BTD: variants seen among roughly 807,000 people sequenced by gnomAD.
BTD encodes biotinidase, also known as biocytinase.
In BTD, 13 loss-of-function variants were observed where a neutral mutation model predicts 17.7. The observed-to-expected ratio is 0.74, with a 90% CI of 0.48 to 1.17. The LOEUF (loss-of-function observed/expected upper bound fraction) is 1.17. BTD is among the 50% of genes most tolerant of loss of function. The pLI, the probability that BTD is intolerant of heterozygous loss-of-function variation, is 0.00. For synonymous variants in BTD, 240 were observed against 245.2 expected, an observed-to-expected ratio of 0.98 and a Z score of 0.20; for missense variants, 674 against 650.4, an observed-to-expected ratio of 1.04 and a Z score of -0.39.
downstream of BTD, among the ~76,000 whole-genome samples, chr3:15,656,241 T>C (rs2065870233): frequency 6.6e-6 from 1 of 152,176 alleles, no homozygotes; most frequent in African/African-American, 2.4e-5. Context: ...TATTGTAAAA[T>C]AGCCTACCCC....
At chr3:15,670,303 A>C (rs763400716) in intron 3 of BTD, 3 of 1,613,952 alleles carry the variant, frequency 1.9e-6, no homozygotes, top group Non-Finnish European at 2.5e-6. Context: ...CGTTGAGCTC[A>C]TCCACGTCAG....
rs372039874 is a variant in BTD at position 15,645,104 on chromosome 3, C to T, written c.1188C>T (p.His396=). ...VPVWGKEGYL[H]VCSNGLCCYL... ...TCTGGGGAAAGGAAGGCTATCTCCACGTCTGTTCCAATGGCCTCTGCTGTT... is the reference window on the plus strand; with the variant it reads ...TCTGGGGAAAGGAAGGCTATCTCCATGTCTGTTCCAATGGCCTCTGCTGTT... The change falls in exon 4 of 4, where the codon CAC becomes CAT. Residue 396 remains histidine, a synonymous_variant. Coordinates refer to ENST00000643237, the MANE Select transcript of BTD (RefSeq NM_001370658.1). 76 of 1,614,070 alleles carry T rather than the reference C, an allele frequency of 4.7e-5. No homozygotes were observed. Among genetic ancestry groups the T allele is most frequent in the Middle Eastern group, 3.3e-4 (2 of 6,062 alleles).
At chr3:15,661,265 CAAAAAA>C (rs56165902) in intron 3 of BTD, among the ~76,000 whole-genome samples, 50,139 of 94,010 alleles carry the variant, frequency 0.53, 12,484 homozygotes, top group Middle Eastern at 0.64. Flanking sequence ...GACTCTGTCT[CAAAAAA>C]AAAAAAAAAA....
chr3:15,615,069 T>C (rs1484073564), intron 1 of BTD, among the ~76,000 whole-genome samples: 1 of 152,196 alleles, frequency 6.6e-6, no homozygotes, highest in Non-Finnish European at 1.5e-5. Flanking sequence ...CTTGTGTGTT[T>C]TGTAATTTTG....
downstream of BTD, among the ~76,000 whole-genome samples, chr3:15,654,014 G>T (rs182848245): frequency 6.6e-6 from 1 of 152,286 alleles, no homozygotes; most frequent in African/African-American, 2.4e-5. Flanking sequence ...GAGCCACTGC[G>T]CCCGGCCAAG....
rs2065776675 is a variant in BTD at position 15,650,047 on chromosome 3, G to A, written c.*4559G>A. Among the ~76,000 whole-genome samples the A allele has an allele frequency of 1.3e-5, 2 of 152,292 alleles. No individual in the cohort carries two copies. Among genetic ancestry groups the A allele is most frequent in the South Asian group, 2.1e-4 (1 of 4,822 alleles). On this transcript the variant is annotated 3_prime_UTR_variant, in exon 4 of 4. Coordinates refer to ENST00000643237, the MANE Select transcript of BTD (RefSeq NM_001370658.1). ...ATTTGCATCTTTATCGTGACTCCACGGAGACCCACCCTCTAAGACCAGAGC... is the reference window on the plus strand; with the variant it reads ...ATTTGCATCTTTATCGTGACTCCACAGAGACCCACCCTCTAAGACCAGAGC...
chr3:15,642,011 T>G lies in BTD; in HGVS notation c.353T>G (p.Val118Gly). The stretch of plus-strand genomic sequence containing the variant: ...GACTTCATGCCGTCTCCCCAGGTGG[T>G]CAGGTGGAACCCATGCCTGGAGCCT... ...FLDFMPSPQV[V>G]RWNPCLEPHR... Residue 118 changes from valine to glycine, a missense_variant, in exon 3 of 4, where the codon GTC becomes GGC. Transcript: ENST00000643237. The G allele has an allele frequency of 6.2e-7, 1 of 1,614,196 alleles. No homozygotes were observed. The highest frequency in any genetic ancestry group is 2.2e-5 in the East Asian group (1 of 44,882).
At chr3:15,656,766 T>G (rs1043542014), downstream of BTD, among the ~76,000 whole-genome samples, 1 of 152,242 alleles carries the variant, frequency 6.6e-6, no homozygotes, top group Admixed American at 6.5e-5. Flanking sequence ...TAGATTTTCT[T>G]AATCAGTGTT....
At position 15,650,509 on chromosome 3, in the gene BTD, T is replaced by C. The variant is rs1433230427; in HGVS notation, c.*5021T>C. 3.3e-5 allele frequency among the ~76,000 whole-genome samples: 5 copies of C among 152,166 alleles called. No homozygotes were observed. In the East Asian group the frequency reaches 7.7e-4, roughly 23 times the overall value. On this transcript the variant is annotated 3_prime_UTR_variant, in exon 4 of 4. Coordinates refer to ENST00000643237, the MANE Select transcript of BTD (RefSeq NM_001370658.1). ...TAAATTCTCTTCAGCCATTGCTGAA[T>C]CTAGGGGCTCAAATGGTGTCTCTGG...
chr3:15,618,044 C>T lies in BTD; in HGVS notation c.-17+16150C>T, dbSNP rs573369954. Among the ~76,000 whole-genome samples, 3 of 152,352 alleles carry T rather than the reference C, an allele frequency of 2.0e-5. No individual in the cohort carries two copies. In the South Asian group the frequency reaches 6.2e-4, roughly 32 times the overall value. ...GATCATAGCTCACTATAACCTTGAA[C>T]TCCTGGGATCAAGTGATCTTCCCAC... On this transcript the variant is annotated intron_variant, in intron 1 of 3. Coordinates refer to ENST00000643237, the MANE Select transcript of BTD (RefSeq NM_001370658.1).
intron 3 of BTD, chr3:15,686,270 C>T (rs777444748): frequency 1.4e-5 from 22 of 1,591,940 alleles, no homozygotes; most frequent in Non-Finnish European, 1.8e-5. Flanking sequence ...TTCTGCATTT[C>T]CTATTAATAG....
intron 1 of BTD, among the ~76,000 whole-genome samples, chr3:15,630,332 C>G (rs562634151): frequency 2.6e-5 from 4 of 152,310 alleles, no homozygotes; most frequent in Admixed American, 6.5e-5. Context: ...AGTTTGTCCA[C>G]GGAGTGGCAG....
chr3:15,628,484 C>T (rs1220041798), intron 1 of BTD, among the ~76,000 whole-genome samples: 3 of 152,188 alleles, frequency 2.0e-5, no homozygotes, highest in Non-Finnish European at 4.4e-5. Flanking sequence ...CCCTCAGGTC[C>T]ACATTATCTA....
chr3:15,610,522 C>G (rs2064587572), intron 1 of BTD, among the ~76,000 whole-genome samples: 1 of 152,126 alleles, frequency 6.6e-6, no homozygotes, highest in Admixed American at 6.6e-5. Flanking sequence ...GTCCAAGCAC[C>G]ATTCATAATA....
At chr3:15,702,987 T>C (rs1026122188) in intron 3 of BTD, among the ~76,000 whole-genome samples, 19 of 152,152 alleles carry the variant, frequency 1.2e-4, no homozygotes, top group Non-Finnish European at 2.6e-4. Context: ...ATTTCACAGA[T>C]TAAATAGGCA....
Position 15,635,605 on chromosome 3 carries a change from C to T in BTD, c.166C>T (p.Leu56Phe), listed in dbSNP as rs1275453788. Reference sequence around the variant, plus strand: ...CATCCTGAGTCTGAACCCTCTGGCTCTCATCAGCCGCCAAGAGGCCTTGGA... The same window carrying T: ...CATCCTGAGTCTGAACCCTCTGGCTTTCATCAGCCGCCAAGAGGCCTTGGA... The part of the protein sequence containing the change: ...PSILSLNPLA[L>F]ISRQEALELM... Residue 56 changes from leucine (L) to phenylalanine (F), a missense_variant, in exon 2 of 4, where the codon CTC becomes TTC. By Grantham distance (22) the Leu-to-Phe change is conservative (BLOSUM62 0). Coordinates refer to ENST00000643237, the MANE Select transcript of BTD (RefSeq NM_001370658.1). This position sits in a 1 kb window ranked among gnomAD's most constrained non-coding sequence, Gnocchi z 4.1. 1.9e-6 allele frequency: 3 copies of T among 1,614,236 alleles called. No individual in the cohort carries two copies. Among genetic ancestry groups the T allele is most frequent in the Non-Finnish European group, 2.5e-6 (3 of 1,180,054 alleles).
At chr3:15,699,229 C>T (rs960860412) in intron 3 of BTD, among the ~76,000 whole-genome samples, 2 of 152,090 alleles carry the variant, frequency 1.3e-5, no homozygotes, top group African/African-American at 4.8e-5. Flanking sequence ...ACACTATATA[C>T]AAAAATTAAC....
chr3:15,672,996 G>A (rs544038583), intron 3 of BTD, among the ~76,000 whole-genome samples: 38 of 144,546 alleles, frequency 2.6e-4, no homozygotes, highest in African/African-American at 9.1e-4. Context: ...GGCTGGTCTC[G>A]AACTCCTGAC....
At chr3:15,675,996 G>A in intron 3 of BTD, 1 of 1,608,142 alleles carries the variant, frequency 6.2e-7, no homozygotes, top group South Asian at 1.1e-5. Flanking sequence ...AGGTCTAGGG[G>A]AAAAAACATG....
Sources: allele counts gnomAD v4.1 joint callset (sites outside exome capture counted in the v4.1 genomes callset), GRCh38; gene constraint gnomAD v4.1.1; non-coding constraint Gnocchi (gnomAD v3.1); transcripts MANE v1.5; gene names NCBI Gene and HGNC (gene_info 2026-07-23, HGNC 2026-07-21).